The following TMEM266 variants were observed in gnomAD, a reference collection of about 807,000 sequenced individuals.
The protein encoded by TMEM266 is Hv1 related protein 1.
Under a neutral mutation model 50.5 loss-of-function variants are expected in TMEM266, and 33 were observed. The ratio of observed to expected loss-of-function variants is 0.65; its 90% CI spans 0.50 to 0.87. The LOEUF (loss-of-function observed/expected upper bound fraction) is 0.87. Among genes scored for constraint, TMEM266 ranks in the 40% least tolerant of loss-of-function variants. The pLI is 0.00. For synonymous variants in TMEM266, 310 were observed against 292.3 expected, an observed-to-expected ratio of 1.06 and a Z score of -0.62; for missense variants, 655 against 695.1, an observed-to-expected ratio of 0.94 and a Z score of 0.65.
At chr15:76,149,542 TG>T (rs1164539245) in intron 3 of TMEM266, among the ~76,000 whole-genome samples, 2 of 152,258 alleles carry the variant, frequency 1.3e-5, no homozygotes, top group Non-Finnish European at 2.9e-5. Flanking sequence ...CACTGTGTTA[TG>T]GGCTTGACAT....
chr15:76,202,076 G>C lies in TMEM266; in HGVS notation c.959-126G>C, dbSNP rs551381374. On this transcript the variant is annotated intron_variant, in intron 9 of 10. Transcript: ENST00000388942. ...CATGGAGAACTAAGAGGCAGCTCCCGTCACACACACCAAGGGCTTCTGTGA... is the reference window on the plus strand; with the variant it reads ...CATGGAGAACTAAGAGGCAGCTCCCCTCACACACACCAAGGGCTTCTGTGA... The C allele has an allele frequency of 4.5e-5, 35 of 776,364 alleles. No homozygotes were observed. In the African/African-American group the frequency reaches 4.5e-4, roughly 10 times the overall value. 48.1% of individuals were successfully genotyped at this position (776,364 alleles called of 1,614,324 possible). A position where few individuals can be genotyped will look rare whatever the true frequency, so the allele number is the denominator to read the frequency against.
chr15:76,071,547 A>G (rs995630572), intron 1 of TMEM266, among the ~76,000 whole-genome samples: 2 of 152,106 alleles, frequency 1.3e-5, no homozygotes, highest in African/African-American at 4.8e-5. Context: ...TGGTGCCCCT[A>G]ACTCACACCC....
At chr15:76,174,443 C>G (rs559097494) in intron 7 of TMEM266, among the ~76,000 whole-genome samples, 1 of 151,774 alleles carries the variant, frequency 6.6e-6, no homozygotes, top group East Asian at 2.0e-4. Flanking sequence ...CCCAGCTGCT[C>G]GGGAGGCTGA....
chr15:76,151,617 T>C (rs2955757), intron 3 of TMEM266, among the ~76,000 whole-genome samples: 70,265 of 151,840 alleles, frequency 0.46, 17,090 homozygotes, highest in African/African-American at 0.6. Context: ...TCCTTGATGC[T>C]CCAGGGCTGC....
chr15:76,184,131 G>A (rs1042864689), intron 8 of TMEM266, among the ~76,000 whole-genome samples: 11 of 152,336 alleles, frequency 7.2e-5, no homozygotes, highest in African/African-American at 2.6e-4. Flanking sequence ...CCAGGGACGG[G>A]GCTTGAGGCT....
intron 9 of TMEM266, among the ~76,000 whole-genome samples, chr15:76,198,283 A>C (rs906483778): frequency 6.6e-6 from 1 of 152,170 alleles, no homozygotes; most frequent in African/African-American, 2.4e-5. Flanking sequence ...GTTTGTGCCC[A>C]TTCTTTCCTG....
chr15:76,067,670 GAAAAA>G (rs2036455588), intron 1 of TMEM266, among the ~76,000 whole-genome samples: 1 of 96,252 alleles, frequency 1.0e-5, no homozygotes, highest in Non-Finnish European at 2.3e-5. Flanking sequence ...GAAAAGAAAA[GAAAAA>G]GTCATTCTTG....
intron 1 of TMEM266, among the ~76,000 whole-genome samples, chr15:76,094,216 C>T (rs1427856661): frequency 6.6e-6 from 1 of 151,954 alleles, no homozygotes; most frequent in East Asian, 1.9e-4. Context: ...ATGGTATTGC[C>T]CAGGTTTTCT....
chr15:76,132,593 C>G (rs2037527183), intron 1 of TMEM266, among the ~76,000 whole-genome samples: 1 of 142,440 alleles, frequency 7.0e-6, no homozygotes, highest in Non-Finnish European at 1.5e-5. Context: ...GTAAGGAGGT[C>G]AAGACCAGCC....
intron 5 of TMEM266, among the ~76,000 whole-genome samples, chr15:76,166,761 T>C (rs1555450988): frequency 6.6e-6 from 1 of 152,140 alleles, no homozygotes; most frequent in Non-Finnish European, 1.5e-5. Context: ...GTCAGATTCA[T>C]AGAGACAGAA....
At chr15:76,091,798 G>T (rs542544831) in intron 1 of TMEM266, among the ~76,000 whole-genome samples, 37 of 151,858 alleles carry the variant, frequency 2.4e-4, no homozygotes, top group African/African-American at 8.2e-4. Context: ...AGACCAGCCT[G>T]GGCAACATAG....
intron 9 of TMEM266, among the ~76,000 whole-genome samples, chr15:76,200,662 G>A (rs2038731851): frequency 6.6e-6 from 1 of 152,176 alleles, no homozygotes; most frequent in South Asian, 2.1e-4. Context: ...TGGCCCACAG[G>A]GCCTGGGGGT....
At position 76,170,862 on chromosome 15, in the gene TMEM266, G is replaced by A. The variant is rs1032920394; in HGVS notation, c.514-131G>A. ...AGGAGGGTCAGGAGGGGCCACCCGG[G>A]GTGGGGTGGCCTTCTGGTGGGGGCC... On this transcript the variant is annotated intron_variant, in intron 6 of 10. Transcript: ENST00000388942. 5.6e-6 allele frequency: 6 copies of A among 1,075,808 alleles called. No homozygotes were observed. In the East Asian group the frequency reaches 1.3e-4, roughly 24 times the overall value. 66.6% of individuals were successfully genotyped at this position (1,075,808 alleles called of 1,614,324 possible). A position where few individuals can be genotyped will look rare whatever the true frequency, so the allele number is the denominator to read the frequency against.
intron 1 of TMEM266, among the ~76,000 whole-genome samples, chr15:76,108,206 G>T (rs1241422955): frequency 6.6e-6 from 1 of 152,204 alleles, no homozygotes; most frequent in Non-Finnish European, 1.5e-5. Flanking sequence ...ACGAATCTCC[G>T]AGAGGGTCAC....
At chr15:76,067,269 C>A (rs2036440654) in intron 1 of TMEM266, among the ~76,000 whole-genome samples, 1 of 152,108 alleles carries the variant, frequency 6.6e-6, no homozygotes, top group Non-Finnish European at 1.5e-5. Flanking sequence ...GAGATGTAAA[C>A]AAATTACAGA....
intron 1 of TMEM266, among the ~76,000 whole-genome samples, chr15:76,084,231 T>C (rs1221552148): frequency 6.6e-6 from 1 of 152,114 alleles, no homozygotes; most frequent in Non-Finnish European, 1.5e-5. Flanking sequence ...GGAGGATTGC[T>C]TGAGTCCAGA....
intron 1 of TMEM266, among the ~76,000 whole-genome samples, chr15:76,089,170 G>A (rs2036814975): frequency 6.6e-6 from 1 of 151,230 alleles, no homozygotes; most frequent in Non-Finnish European, 1.5e-5. Flanking sequence ...TGTGAGCAGG[G>A]GCCGTGATCT....
rs8030995 is a variant in TMEM266 at position 76,151,007 on chromosome 15, C to T, written c.228-5597C>T. ...GACTACCTTATGGTAGAATACTCGC[C>T]CACCTGCCAGGACATGCCATCTGCT... On this transcript the variant is annotated intron_variant, in intron 3 of 10. Coordinates refer to ENST00000388942, the MANE Select transcript of TMEM266 (RefSeq NM_152335.3). Among the ~76,000 whole-genome samples the T allele has an allele frequency of 6.0e-3, 912 of 152,296 alleles. 8 individuals are homozygous for T. Among genetic ancestry groups the T allele is most frequent in the African/African-American group, 0.021 (876 of 41,566 alleles).
intron 1 of TMEM266, among the ~76,000 whole-genome samples, chr15:76,081,459 A>G (rs1231801246): frequency 6.6e-6 from 1 of 152,142 alleles, no homozygotes; most frequent in Non-Finnish European, 1.5e-5. Context: ...ATCACCTTCC[A>G]CTGTGCCTGG....
Sources: allele counts gnomAD v4.1 joint callset (sites outside exome capture counted in the v4.1 genomes callset), GRCh38; gene constraint gnomAD v4.1.1; transcripts MANE v1.5; gene names NCBI Gene and HGNC (gene_info 2026-07-23, HGNC 2026-07-21).